Variants in IMMP2L observed in about 807,000 individuals in gnomAD.
IMMP2L encodes mitochondrial inner membrane protease subunit 2.
In IMMP2L, 18 loss-of-function variants were observed where a neutral mutation model predicts 19.3. That is an observed-to-expected ratio of 0.93 (90% CI 0.64 to 1.38). The LOEUF (loss-of-function observed/expected upper bound fraction) is 1.38. Among genes scored for constraint, IMMP2L ranks in the 40% most tolerant of loss-of-function variants. The probability of loss-of-function intolerance (pLI) is 0.00; values close to 1 mark genes in which losing one functional copy is unlikely to be tolerated. For synonymous variants in IMMP2L, 76 were observed against 73.0 expected (o/e 1.04, Z -0.21); for missense variants, 233 against 218.2 (o/e 1.07, Z -0.43).
intron 5 of IMMP2L, among the ~76,000 whole-genome samples, chr7:110,881,924 C>A (rs1437592936): frequency 6.6e-6 from 1 of 152,126 alleles, no homozygotes; most frequent in Non-Finnish European, 1.5e-5. Context: ...TCTACCAAAT[C>A]CTCCTGGGAG....
chr7:111,440,877 T>C (rs572791288), intron 3 of IMMP2L, among the ~76,000 whole-genome samples: 1 of 151,922 alleles, frequency 6.6e-6, no homozygotes, highest in South Asian at 2.1e-4. Context: ...TCTAGGTAAC[T>C]TGCTGCAGCT....
At chr7:111,242,961 G>A (rs1033269038) in intron 3 of IMMP2L, among the ~76,000 whole-genome samples, 2 of 151,970 alleles carry the variant, frequency 1.3e-5, no homozygotes, top group Admixed American at 1.3e-4. Flanking sequence ...TTACTAAGTT[G>A]TATTTTACCA....
At chr7:111,343,462 C>A (rs796255784) in intron 3 of IMMP2L, among the ~76,000 whole-genome samples, 1 of 152,018 alleles carries the variant, frequency 6.6e-6, no homozygotes, top group African/African-American at 2.4e-5. Flanking sequence ...AACTTCCACT[C>A]GGCCTTCACT....
At chr7:111,097,016 T>G (rs563493123) in intron 3 of IMMP2L, 3 of 151,918 alleles carry the variant, frequency 2.0e-5, no homozygotes, top group Non-Finnish European at 4.4e-5. Flanking sequence ...CATTTCACGC[T>G]TTACTTCCAG....
chr7:111,345,032 G>C (rs1272295357), intron 3 of IMMP2L, among the ~76,000 whole-genome samples: 6 of 152,088 alleles, frequency 3.9e-5, no homozygotes, highest in Non-Finnish European at 7.4e-5. Flanking sequence ...TGACAGGGCA[G>C]AGGTAGTAGT....
chr7:111,408,767 AT>A (rs890041274), intron 3 of IMMP2L, among the ~76,000 whole-genome samples: 8 of 151,616 alleles, frequency 5.3e-5, no homozygotes, highest in African/African-American at 9.7e-5. Flanking sequence ...TGTAGTTAAT[AT>A]TTTTTTTAAA....
chr7:110,666,619 T>A (rs1421719460), intron 5 of IMMP2L, among the ~76,000 whole-genome samples: 1 of 152,008 alleles, frequency 6.6e-6, no homozygotes, highest in African/African-American at 2.4e-5. Context: ...TCAGTGCTCC[T>A]GGGGTGTCAA....
chr7:111,436,368 TA>T (rs35332693), intron 3 of IMMP2L, among the ~76,000 whole-genome samples: 2 of 151,718 alleles, frequency 1.3e-5, no homozygotes, highest in Non-Finnish European at 2.9e-5. Flanking sequence ...CACTACACTC[TA>T]AAAAGGTATA....
chr7:110,879,253 T>C (rs532143676), intron 5 of IMMP2L, among the ~76,000 whole-genome samples: 1 of 152,126 alleles, frequency 6.6e-6, no homozygotes, highest in South Asian at 2.1e-4. Context: ...TAGCCTGCTG[T>C]GGTGTGCACC....
At chr7:111,176,734 C>T (rs570502361) in intron 3 of IMMP2L, among the ~76,000 whole-genome samples, 1 of 151,742 alleles carries the variant, frequency 6.6e-6, no homozygotes, top group Admixed American at 6.6e-5. Flanking sequence ...CTACCATCAA[C>T]AATAATTAAT....
At chr7:110,691,351 C>T (rs983956217) in intron 5 of IMMP2L, among the ~76,000 whole-genome samples, 3 of 151,954 alleles carry the variant, frequency 2.0e-5, no homozygotes, top group Non-Finnish European at 4.4e-5. Flanking sequence ...CTAAGACCTA[C>T]AACAATAAAA....
intron 3 of IMMP2L, among the ~76,000 whole-genome samples, chr7:110,966,445 G>T (rs1356603950): frequency 6.6e-6 from 1 of 151,926 alleles, no homozygotes; most frequent in African/African-American, 2.4e-5. Context: ...TAATATTGAG[G>T]TGAGATTAAC....
intron 5 of IMMP2L, among the ~76,000 whole-genome samples, chr7:110,846,348 C>CTTTTTTTTTTTTTTT (rs919194286): frequency 3.2e-5 from 4 of 126,416 alleles, no homozygotes; most frequent in Non-Finnish European, 4.9e-5. Flanking sequence ...ACCCTGATTT[C>CTTTTTTTTTTTTTTT]TTTTTTTTTT....
At chr7:111,117,829 A>C (rs1050443879) in intron 3 of IMMP2L, among the ~76,000 whole-genome samples, 4 of 152,122 alleles carry the variant, frequency 2.6e-5, no homozygotes, top group Non-Finnish European at 5.9e-5. Context: ...TTTTTTCTTC[A>C]CCAATTTTTC....
chr7:110,808,940 G>A (rs978085979), intron 5 of IMMP2L, among the ~76,000 whole-genome samples: 4 of 151,960 alleles, frequency 2.6e-5, no homozygotes, highest in African/African-American at 7.2e-5. Flanking sequence ...AGGTTTCCTC[G>A]GAAATATGCT....
intron 5 of IMMP2L, among the ~76,000 whole-genome samples, chr7:110,674,375 C>T (rs1792141029): frequency 6.6e-6 from 1 of 152,154 alleles, no homozygotes. Flanking sequence ...GGTGGGGACA[C>T]AGCCAAACCA....
chr7:110,956,664 C>T (rs1818386395), intron 4 of IMMP2L, among the ~76,000 whole-genome samples: 1 of 151,864 alleles, frequency 6.6e-6, no homozygotes, highest in Non-Finnish European at 1.5e-5. Flanking sequence ...TCATCTTCTT[C>T]ACTAGGGACT....
intron 5 of IMMP2L, among the ~76,000 whole-genome samples, chr7:110,790,314 G>A (rs1584837657): frequency 6.6e-6 from 1 of 151,866 alleles, no homozygotes; most frequent in Admixed American, 6.6e-5. Flanking sequence ...GTCTTCAGAG[G>A]CTAAGGCAAA....
chr7:110,689,178 A>G (rs1418072966), intron 5 of IMMP2L, among the ~76,000 whole-genome samples: 1 of 152,198 alleles, frequency 6.6e-6, no homozygotes, highest in Non-Finnish European at 1.5e-5. Context: ...GATGTATGCT[A>G]AAGCTTGCAA....
Sources: allele counts gnomAD v4.1 joint callset (sites outside exome capture counted in the v4.1 genomes callset), GRCh38; gene constraint gnomAD v4.1.1; transcripts MANE v1.5; gene names NCBI Gene and HGNC (gene_info 2026-07-23, HGNC 2026-07-21).